Variants in PRH1 observed in about 807,000 individuals in gnomAD.
PRH1 encodes the protein salivary acidic proline-rich phosphoprotein 1/2.
In PRH1, 7 loss-of-function variants were observed where a neutral mutation model predicts 7.9. The ratio of observed to expected loss-of-function variants is 0.89; its 90% CI spans 0.50 to 1.67. The LOEUF (loss-of-function observed/expected upper bound fraction) is 1.67. PRH1 is among the 40% of genes most tolerant of loss of function. The pLI is 0.00. For missense variants in PRH1, 109 were observed against 223.6 expected, an observed-to-expected ratio of 0.49 and a Z score of 3.27; for synonymous variants, 45 against 80.8, an observed-to-expected ratio of 0.56 and a Z score of 2.38.
chr12:10,887,036 T>A (rs1295723592), upstream of PRH1, among the ~76,000 whole-genome samples: 1 of 152,204 alleles, frequency 6.6e-6, no homozygotes, highest in East Asian at 1.9e-4. Flanking sequence ...CATTTGTGCT[T>A]CAAATCTCCT....
At chr12:11,150,956 TGTCAGAGA>T (rs1947062639) in intron 1 of PRH1, among the ~76,000 whole-genome samples, 1 of 152,220 alleles carries the variant, frequency 6.6e-6, no homozygotes, top group East Asian at 1.9e-4. Flanking sequence ...TTCTTAAAGA[TGTCAGAGA>T]GGTGGTTTCT....
chr12:10,924,265 GCGTGAGACACGGAGC>G (rs1374863347), intron 2 of PRH1, among the ~76,000 whole-genome samples: 1 of 152,106 alleles, frequency 6.6e-6, no homozygotes, highest in African/African-American at 2.4e-5. Context: ...GGGATTACAG[GCGTGAGACACGGAGC>G]CCAGCCTCAT....
At chr12:11,026,285 C>T (rs1290761313) in intron 1 of PRH1, among the ~76,000 whole-genome samples, 1 of 152,184 alleles carries the variant, frequency 6.6e-6, no homozygotes, top group African/African-American at 2.4e-5. Flanking sequence ...ACCTTCGCCT[C>T]CCAAAGTGCT....
At chr12:10,887,111 C>G (rs187064624), upstream of PRH1, among the ~76,000 whole-genome samples, 1 of 152,346 alleles carries the variant, frequency 6.6e-6, no homozygotes, top group African/African-American at 2.4e-5. Flanking sequence ...CACCCACATG[C>G]CTCACTCTTT....
At chr12:11,137,389 CG>C (rs1435936962) in intron 1 of PRH1, among the ~76,000 whole-genome samples, 2 of 152,128 alleles carry the variant, frequency 1.3e-5, no homozygotes, top group Admixed American at 6.5e-5. Flanking sequence ...AATCCCTATC[CG>C]TGAATATAGT....
intron 1 of PRH1, among the ~76,000 whole-genome samples, chr12:11,056,390 C>T (rs2597998): frequency 0.47 from 69,193 of 148,746 alleles, 16,564 homozygotes; most frequent in Non-Finnish European, 0.54. Context: ...TTTTTATTTC[C>T]TTTCAGTTTT....
At chr12:10,990,013 C>A (rs1198867530) in intron 1 of PRH1, among the ~76,000 whole-genome samples, 1 of 151,996 alleles carries the variant, frequency 6.6e-6, no homozygotes, top group Non-Finnish European at 1.5e-5. Flanking sequence ...TCAGAATAGC[C>A]AAAGTTATCC....
At chr12:10,922,582 T>A (rs1565473045) in intron 2 of PRH1, among the ~76,000 whole-genome samples, 1 of 152,194 alleles carries the variant, frequency 6.6e-6, no homozygotes, top group Non-Finnish European at 1.5e-5. Flanking sequence ...TGTGTCCAGA[T>A]TTCTGTCAAG....
At chr12:11,008,105 G>A (rs993688059) in intron 1 of PRH1, among the ~76,000 whole-genome samples, 2 of 151,930 alleles carry the variant, frequency 1.3e-5, no homozygotes, top group African/African-American at 4.8e-5. Flanking sequence ...AATTAAAGCT[G>A]AAAGAAAAAA....
In PRH1 at chr12:10,902,035, A is replaced by T. The variant is rs550462162; in HGVS notation, c.-58-17760T>A. On this transcript the variant is annotated intron_variant, in intron 2 of 3. Coordinates refer to the PRH1 transcript ENST00000539853. ...CCCTAACCAAAACAAAAGCTCAGAT[A>T]TGACAGATAAAAAATTCAAAGTATA... Among the ~76,000 whole-genome samples the T allele has an allele frequency of 4.9e-4, 75 of 152,260 alleles. 2 individuals are homozygous for T. In the South Asian group the frequency reaches 0.016, roughly 32 times the overall value.
At chr12:11,055,924 C>G (rs1217612322) in intron 1 of PRH1, among the ~76,000 whole-genome samples, 1 of 152,214 alleles carries the variant, frequency 6.6e-6, no homozygotes, top group Non-Finnish European at 1.5e-5. Context: ...TTGGGAAGCC[C>G]AGGAAGGCCA....
At chr12:11,053,902 C>A (rs1030176323) in intron 1 of PRH1, among the ~76,000 whole-genome samples, 3 of 152,142 alleles carry the variant, frequency 2.0e-5, no homozygotes, top group African/African-American at 7.2e-5. Flanking sequence ...CTAACTGCAA[C>A]CTCCGCCTCC....
At chr12:10,904,139 C>T (rs1044236415) in intron 2 of PRH1, among the ~76,000 whole-genome samples, 3 of 151,134 alleles carry the variant, frequency 2.0e-5, no homozygotes, top group African/African-American at 7.3e-5. Context: ...ATCAAGCTAC[C>T]AATGTCATTT....
At chr12:10,992,655 C>T (rs1939996311) in intron 1 of PRH1, among the ~76,000 whole-genome samples, 1 of 152,174 alleles carries the variant, frequency 6.6e-6, no homozygotes. Flanking sequence ...TCAAGTGCTC[C>T]TCCCACCTCA....
At chr12:11,023,636 C>T in intron 1 of PRH1, among the ~76,000 whole-genome samples, 1 of 152,122 alleles carries the variant, frequency 6.6e-6, no homozygotes, top group East Asian at 1.9e-4. Flanking sequence ...AAGATGGCTT[C>T]CATATTGAAG....
intron 1 of PRH1, among the ~76,000 whole-genome samples, chr12:11,114,479 AC>A (rs916049566): frequency 1.3e-5 from 2 of 152,146 alleles, no homozygotes; most frequent in African/African-American, 4.8e-5. Flanking sequence ...CAGGGAGGAC[AC>A]AGGGAACGTC....
At chr12:11,030,925 T>G (rs75159539) in intron 1 of PRH1, 1 of 1,396,938 alleles carries the variant, frequency 7.2e-7, no homozygotes, top group Admixed American at 2.1e-5. Context: ...CCAAAAATAG[T>G]AAAGGCCCCA....
chr12:11,001,632 G>A (rs1360584841), intron 1 of PRH1, among the ~76,000 whole-genome samples: 2 of 152,094 alleles, frequency 1.3e-5, no homozygotes, highest in Non-Finnish European at 2.9e-5. Flanking sequence ...CTGCCATCAG[G>A]TTAATGGAGC....
chr12:10,938,611 A>C, intron 2 of PRH1: 2 of 1,613,934 alleles, frequency 1.2e-6, no homozygotes, highest in South Asian at 2.2e-5. Flanking sequence ...AGATGAGGAG[A>C]AGAAACATTG....
Sources: gnomAD v4.1 joint callset for allele counts (sites outside exome capture counted in the v4.1 genomes callset) on GRCh38, gnomAD v4.1.1 for gene constraint, MANE v1.5 for transcripts, NCBI Gene and HGNC (gene_info 2026-07-23, HGNC 2026-07-21) for gene names.